The following AGBL4 variants were observed in gnomAD, a reference collection of about 807,000 sequenced individuals.
The protein encoded by AGBL4 is AGBL carboxypeptidase 4, also known as cytosolic carboxypeptidase 6.
A neutral mutation model predicts 66.4 loss-of-function variants in AGBL4; 58 were observed. The ratio of observed to expected loss-of-function variants is 0.87; its 90% CI spans 0.71 to 1.09. The LOEUF (loss-of-function observed/expected upper bound fraction) is 1.09, where lower values mean the gene tolerates loss of function less well. Among genes scored for constraint, AGBL4 ranks in the 50% least tolerant of loss-of-function variants. The probability of loss-of-function intolerance (pLI) is 0.00; values close to 1 mark genes in which losing one functional copy is unlikely to be tolerated. For synonymous variants in AGBL4, 234 were observed against 222.9 expected (o/e 1.05, Z -0.44); for missense variants, 579 against 631.0 (o/e 0.92, Z 0.88).
intron 3 of AGBL4, among the ~76,000 whole-genome samples, chr1:49,520,635 T>C (rs1396292584): frequency 6.6e-6 from 1 of 152,018 alleles, no homozygotes; most frequent in Non-Finnish European, 1.5e-5. Context: ...TTTGGGTTTC[T>C]AAATCCTCAT....
intron 4 of AGBL4, among the ~76,000 whole-genome samples, chr1:49,185,141 C>T (rs1345141935): frequency 6.6e-6 from 1 of 152,148 alleles, no homozygotes; most frequent in South Asian, 2.1e-4. Flanking sequence ...GGGAACCAAA[C>T]CCGGGTTTTC....
At chr1:48,833,476 G>A (rs1308786297) in intron 6 of AGBL4, among the ~76,000 whole-genome samples, 1 of 152,196 alleles carries the variant, frequency 6.6e-6, no homozygotes, top group Non-Finnish European at 1.5e-5. Context: ...TGTGAGAAGA[G>A]AGATGAATTG....
intron 3 of AGBL4, among the ~76,000 whole-genome samples, chr1:49,595,152 G>A (rs1392577078): frequency 2.6e-5 from 4 of 152,022 alleles, no homozygotes; most frequent in African/African-American, 4.8e-5. Context: ...GCAGTGGCAC[G>A]ATCTCGGCCC....
At chr1:49,709,522 G>T (rs1265057115) in intron 2 of AGBL4, among the ~76,000 whole-genome samples, 1 of 152,114 alleles carries the variant, frequency 6.6e-6, no homozygotes, top group Non-Finnish European at 1.5e-5. Context: ...AAGACTTCAT[G>T]ACTAAAACAC....
intron 3 of AGBL4, among the ~76,000 whole-genome samples, chr1:49,666,750 A>G (rs1646378323): frequency 6.6e-6 from 1 of 152,138 alleles, no homozygotes; most frequent in African/African-American, 2.4e-5. Flanking sequence ...TACATGTATT[A>G]TTTAATACTC....
At chr1:49,371,827 G>C (rs1570547669) in intron 3 of AGBL4, among the ~76,000 whole-genome samples, 1 of 41,950 alleles carries the variant, frequency 2.4e-5, no homozygotes, top group African/African-American at 6.5e-5. Context: ...CTGTGTGTGT[G>C]TGTGTGTGTG....
chr1:49,292,547 G>C lies in AGBL4; in HGVS notation c.283-46683C>G, dbSNP rs368891731. ...CCCTGGACTCAGCCAGAACTGAGCA[G>C]ACATGGGGATGACTAGCTGCAGAGA... On this transcript the variant is annotated intron_variant, in intron 3 of 13. Transcript: ENST00000371839. 1.1e-3 allele frequency among the ~76,000 whole-genome samples: 164 copies of C among 152,312 alleles called. 1 individual carries two copies. Among genetic ancestry groups the C allele is most frequent in the African/African-American group, 3.8e-3 (158 of 41,580 alleles).
chr1:49,797,611 T>A (rs575037854), intron 2 of AGBL4, among the ~76,000 whole-genome samples: 9 of 152,170 alleles, frequency 5.9e-5, no homozygotes, highest in East Asian at 3.9e-4. Context: ...GTTTTTAAAA[T>A]TTTTTTGTAG....
intron 5 of AGBL4, among the ~76,000 whole-genome samples, chr1:48,969,326 C>T (rs1046659210): frequency 2.6e-5 from 4 of 152,066 alleles, no homozygotes; most frequent in African/African-American, 9.7e-5. Flanking sequence ...TCCTCAGTGC[C>T]CTCTATTTGT....
rs370620926 is a variant in AGBL4 at position 49,300,414 on chromosome 1, C to A, written c.283-54550G>T. Among the ~76,000 whole-genome samples the A allele has an allele frequency of 3.4e-4, 52 of 152,220 alleles. 1 individual carries two copies. The South Asian group carries it at 9.5e-3, about 28-fold the overall frequency. On this transcript the variant is annotated intron_variant, in intron 3 of 13. Coordinates refer to ENST00000371839, the MANE Select transcript of AGBL4 (RefSeq NM_032785.4). ...GGATATAAAACAAAACAAAAACAGC[C>A]TAGATATGTGGCATTAAAACCCAAT...
chr1:49,587,621 G>C (rs1280233161), intron 3 of AGBL4, among the ~76,000 whole-genome samples: 1 of 152,144 alleles, frequency 6.6e-6, no homozygotes, highest in Admixed American at 6.6e-5. Context: ...CTTATAAGGG[G>C]ACTGAAGAGT....
chr1:49,152,059 G>A (rs981199217), intron 4 of AGBL4, among the ~76,000 whole-genome samples: 7 of 151,380 alleles, frequency 4.6e-5, no homozygotes, highest in Admixed American at 3.3e-4. Flanking sequence ...AGTATGTCAA[G>A]TATCTTACAT....
intron 8 of AGBL4, among the ~76,000 whole-genome samples, chr1:48,649,691 T>C (rs1200804059): frequency 3.3e-5 from 5 of 152,226 alleles, no homozygotes; most frequent in Non-Finnish European, 7.3e-5. Flanking sequence ...GTACTTGTAT[T>C]ATTAAATCTA....
chr1:48,969,849 G>A (rs1219979981), intron 5 of AGBL4, among the ~76,000 whole-genome samples: 1 of 152,112 alleles, frequency 6.6e-6, no homozygotes, highest in East Asian at 1.9e-4. Flanking sequence ...ATGCATGTAA[G>A]GTTCTTTCAC....
chr1:48,728,062 C>T, intron 6 of AGBL4: 8 of 1,567,958 alleles, frequency 5.1e-6, no homozygotes, highest in Non-Finnish European at 6.9e-6. Context: ...GGAGAAGAAA[C>T]AAGGCCAAGG....
intron 9 of AGBL4, among the ~76,000 whole-genome samples, chr1:48,631,363 C>A (rs1645589556): frequency 6.6e-6 from 1 of 152,154 alleles, no homozygotes; most frequent in African/African-American, 2.4e-5. Context: ...CTGCTGTACA[C>A]CAGCACTGTG....
chr1:49,494,807 G>A (rs1341362325), intron 3 of AGBL4, among the ~76,000 whole-genome samples: 1 of 151,932 alleles, frequency 6.6e-6, no homozygotes. Flanking sequence ...AGATGGCTGG[G>A]TCAAATGGTA....
chr1:49,744,279 T>C (rs983487588), intron 2 of AGBL4, among the ~76,000 whole-genome samples: 8 of 152,066 alleles, frequency 5.3e-5, no homozygotes, highest in African/African-American at 1.9e-4. Context: ...TTGAAAATTG[T>C]ATATCATCTC....
chr1:48,926,862 T>C (rs1334358016), intron 5 of AGBL4, among the ~76,000 whole-genome samples: 3 of 152,038 alleles, frequency 2.0e-5, no homozygotes, highest in Non-Finnish European at 4.4e-5. Flanking sequence ...TTAGTAGCAA[T>C]AGTAGTAGTA....
Sources: gnomAD v4.1 joint callset for allele counts (sites outside exome capture counted in the v4.1 genomes callset) on GRCh38, gnomAD v4.1.1 for gene constraint, MANE v1.5 for transcripts, NCBI Gene and HGNC (gene_info 2026-07-23, HGNC 2026-07-21) for gene names.